The following IPO5 variants were observed in gnomAD, a reference collection of about 807,000 sequenced individuals.
The protein encoded by IPO5 is importin-5.
IPO5 carries 18 observed loss-of-function variants against 143.3 expected under a neutral mutation model. The ratio of observed to expected loss-of-function variants is 0.13; its 90% CI spans 0.09 to 0.19. IPO5 has a LOEUF of 0.19. IPO5 is among the 10% of genes least tolerant of loss of function. The pLI is 1.00. For missense variants in IPO5, 1,013 were observed against 1,336.9 expected (o/e 0.76, Z 3.78); for synonymous variants, 477 against 465.7 (o/e 1.02, Z -0.31).
intron 4 of IPO5, chr13:97,979,897 A>C (rs772288972): frequency 4.4e-6 from 2 of 456,620 alleles, no homozygotes; most frequent in Non-Finnish European, 4.4e-6. Context: ...CCAGGGTGTT[A>C]ATAGATAAAA....
Position 98,021,942 on chromosome 13 carries a change from T to A in IPO5, c.*120T>A. The A allele has an allele frequency of 1.9e-6, 1 of 530,890 alleles. No homozygotes were observed. Among genetic ancestry groups the A allele is most frequent in the Non-Finnish European group, 3.3e-6 (1 of 307,370 alleles). The allele number at this position is 530,890 out of a possible 1,614,324, so 32.9% of individuals were successfully genotyped here. A position where few individuals can be genotyped will look rare whatever the true frequency, so the allele number is the denominator to read the frequency against. On this transcript the variant is annotated 3_prime_UTR_variant, in exon 29 of 29. Transcript: ENST00000651721. ...GGTAGTGTTGTGTGTAGGCCATTCTTCTGGAGAGCCACAAGCAGGAAGAGC... is the reference window on the plus strand; with the variant it reads ...GGTAGTGTTGTGTGTAGGCCATTCTACTGGAGAGCCACAAGCAGGAAGAGC...
intron 6 of IPO5, among the ~76,000 whole-genome samples, chr13:97,987,766 G>A (rs1441157489): frequency 1.3e-5 from 2 of 152,214 alleles, no homozygotes; most frequent in Non-Finnish European, 1.5e-5. Flanking sequence ...GCCTCCCAAA[G>A]TGCTGAGATT....
intron 18 of IPO5, among the ~76,000 whole-genome samples, chr13:98,009,270 A>G (rs374935885): frequency 3.3e-5 from 5 of 152,220 alleles, no homozygotes; most frequent in African/African-American, 1.2e-4. Context: ...ATCAGGGGAT[A>G]AGAATCACTT....
At chr13:97,984,903 A>G (rs902570405) in intron 5 of IPO5, among the ~76,000 whole-genome samples, 5 of 152,220 alleles carry the variant, frequency 3.3e-5, no homozygotes, top group Middle Eastern at 3.2e-3. Context: ...CCAAGAATAC[A>G]CATGTTGAGA....
chr13:97,981,534 C>G (rs952108715), intron 4 of IPO5: 6 of 249,722 alleles, frequency 2.4e-5, no homozygotes, highest in African/African-American at 1.4e-4. Flanking sequence ...TCACTTTGTT[C>G]CAGAGAAGCC....
intron 7 of IPO5, 134 bp from the exon 8 acceptor site, chr13:97,989,992 G>A: frequency 1.6e-6 from 1 of 615,330 alleles, no homozygotes. Flanking sequence ...TAGAGAATGG[G>A]TAGATGATGT....
intron 11 of IPO5, among the ~76,000 whole-genome samples, chr13:97,996,411 A>G (rs1268119322): frequency 6.6e-6 from 1 of 152,164 alleles, no homozygotes; most frequent in Non-Finnish European, 1.5e-5. Flanking sequence ...CTCAATAAAA[A>G]CAAGTGTAAT....
At chr13:98,021,443 T>C in intron 28 of IPO5, 1 of 351,698 alleles carries the variant, frequency 2.8e-6, no homozygotes, top group Non-Finnish European at 5.0e-6. Context: ...ACTTGTCATC[T>C]GCCAAAAAAC....
At chr13:97,982,798 A>G (rs1218955157) in intron 5 of IPO5, among the ~76,000 whole-genome samples, 7 of 152,336 alleles carry the variant, frequency 4.6e-5, no homozygotes, top group South Asian at 2.1e-4. Flanking sequence ...TCCGCATAAG[A>G]TAATGTGTCC....
intron 16 of IPO5, among the ~76,000 whole-genome samples, chr13:98,004,998 C>G (rs1889096812): frequency 6.6e-6 from 1 of 152,070 alleles, no homozygotes; most frequent in African/African-American, 2.4e-5. Flanking sequence ...CGGGTTCAAG[C>G]CATTCTCCTG....
At position 98,002,830 on chromosome 13, in the gene IPO5, T is replaced by A. The variant is rs75317813; in HGVS notation, c.1324-34T>A. ...GACTTTAGGAAGAAGGGTGGACATT[T>A]CAACATGTGTGCCCATTTGGTTTCA... On this transcript the variant is annotated intron_variant, in intron 15 of 28. Coordinates refer to ENST00000651721, the MANE Select transcript of IPO5 (RefSeq NM_002271.6). The A allele has an allele frequency of 1.3e-3, 2,006 of 1,601,078 alleles. 20 individuals carry two copies. In the African/African-American group the frequency reaches 0.023, roughly 18 times the overall value.
rs138637593 is a variant in IPO5, at chr13:98,020,586, A to C, written c.3066-406A>C. Among the ~76,000 whole-genome samples the C allele has an allele frequency of 3.9e-3, 588 of 152,350 alleles. 3 individuals are homozygous for C. Among genetic ancestry groups the C allele is most frequent in the African/African-American group, 0.014 (567 of 41,580 alleles). On this transcript the variant is annotated intron_variant, in intron 27 of 28. Coordinates refer to ENST00000651721, the MANE Select transcript of IPO5 (RefSeq NM_002271.6). ...AAAGACTAGAATTCTTAAATTCGCTATCAGGTTTTTTCCCATTAAACTTGC... is the reference window on the plus strand; with the variant it reads ...AAAGACTAGAATTCTTAAATTCGCTCTCAGGTTTTTTCCCATTAAACTTGC...
At chr13:97,954,003 T>A in intron 1 of IPO5, 116 bp from the exon 2 acceptor site, 1 of 433,354 alleles carries the variant, frequency 2.3e-6, no homozygotes, top group South Asian at 1.7e-5. Flanking sequence ...GGACTAACTC[T>A]GTATCCTTAA....
intron 9 of IPO5, 26 bp downstream of exon 9, chr13:97,990,563 A>T (rs1276802841): frequency 5.5e-6 from 7 of 1,280,272 alleles, no homozygotes; most frequent in Non-Finnish European, 7.7e-6. Context: ...AGAATAAATC[A>T]TAATTATATC....
Position 98,010,243 on chromosome 13 carries a change from T to C in IPO5, c.2055+19T>C, listed in dbSNP as rs760970702. Reference sequence around the variant, plus strand: ...GATGTTGGTAAGAGAGCACTGTTTTTACTAAACTTTTATTTTACATCTTAT... The same window carrying C: ...GATGTTGGTAAGAGAGCACTGTTTTCACTAAACTTTTATTTTACATCTTAT... On this transcript the variant is annotated intron_variant, in intron 20 of 28. Transcript: ENST00000651721. 6.2e-6 allele frequency: 10 copies of C among 1,605,742 alleles called. No homozygotes were observed. The highest frequency in any genetic ancestry group is 7.6e-6 in the Non-Finnish European group (9 of 1,177,196).
chr13:97,985,313 A>G, intron 5 of IPO5, 108 bp from the exon 6 acceptor site: 1 of 810,692 alleles, frequency 1.2e-6, no homozygotes, highest in Non-Finnish European at 2.0e-6. Context: ...AAAGAGTTAT[A>G]TATTTACTTC....
chr13:98,020,980 C>G lies in IPO5; in HGVS notation c.3066-12C>G, dbSNP rs759233264. 12 of 1,596,616 alleles carry G rather than the reference C, an allele frequency of 7.5e-6. No homozygotes were observed. Among genetic ancestry groups the G allele is most frequent in the Non-Finnish European group, 8.5e-6 (10 of 1,171,026 alleles). ...AAATTTCACTTACTAAGGTTTTCTTCTCATTTGTCAGTAATCATCCAATTG... is the reference window on the plus strand; with the variant it reads ...AAATTTCACTTACTAAGGTTTTCTTGTCATTTGTCAGTAATCATCCAATTG... On this transcript the variant is annotated splice_polypyrimidine_tract_variant and intron_variant, in intron 27 of 28. Coordinates refer to ENST00000651721, the MANE Select transcript of IPO5 (RefSeq NM_002271.6).
chr13:97,973,038 C>CTTTT (rs34572861), intron 3 of IPO5, among the ~76,000 whole-genome samples: 7 of 76,320 alleles, frequency 9.2e-5, no homozygotes, highest in South Asian at 4.9e-4. Context: ...CTTTTATCTT[C>CTTTT]TTTTTTTTTT....
chr13:97,993,615 A>G (rs1887980572), intron 11 of IPO5, among the ~76,000 whole-genome samples: 2 of 152,246 alleles, frequency 1.3e-5, no homozygotes, highest in Non-Finnish European at 2.9e-5. Flanking sequence ...TAGAAGAACA[A>G]GGTCTAACAC....
Sources: gnomAD v4.1 joint callset for allele counts (sites outside exome capture counted in the v4.1 genomes callset) on GRCh38, gnomAD v4.1.1 for gene constraint, MANE v1.5 for transcripts, NCBI Gene and HGNC (gene_info 2026-07-23, HGNC 2026-07-21) for gene names.